The following HSD17B4 variants were observed in gnomAD, a reference collection of about 807,000 sequenced individuals.
HSD17B4 encodes hydroxysteroid 17-beta dehydrogenase 4.
Under a neutral mutation model 101.0 loss-of-function variants are expected in HSD17B4, and 70 were observed. The ratio of observed to expected loss-of-function variants is 0.69; its 90% CI spans 0.57 to 0.85. The LOEUF is 0.85. HSD17B4 is among the 40% of genes least tolerant of loss of function. The pLI is 0.00. For missense variants in HSD17B4, 984 were observed against 892.4 expected (o/e 1.10, Z -1.31); for synonymous variants, 347 against 297.1 (o/e 1.17, Z -1.73).
At chr5:119,457,993 T>C (rs911804878) in intron 2 of HSD17B4, among the ~76,000 whole-genome samples, 3 of 152,214 alleles carry the variant, frequency 2.0e-5, no homozygotes, top group South Asian at 2.1e-4. Flanking sequence ...AATTTTCCTT[T>C]ATTTCCCTGT....
intron 16 of HSD17B4, among the ~76,000 whole-genome samples, chr5:119,510,170 A>G (rs1300817990): frequency 1.3e-5 from 2 of 152,200 alleles, no homozygotes; most frequent in East Asian, 3.9e-4. Flanking sequence ...CATATTTTAT[A>G]TATAGAAAAG....
At chr5:119,484,745 C>G (rs1279428596) in intron 8 of HSD17B4, among the ~76,000 whole-genome samples, 4 of 152,158 alleles carry the variant, frequency 2.6e-5, no homozygotes, top group Admixed American at 6.5e-5. Context: ...ATTTGTAATA[C>G]TACAGCAGTA....
Position 119,514,969 on chromosome 5 carries a change from T to C in HSD17B4, c.1438-12T>C, listed in dbSNP as rs777787191. On this transcript the variant is annotated splice_polypyrimidine_tract_variant and intron_variant, in intron 16 of 23. Transcript: ENST00000510025. ...TGTATTTAAGATTTAACATGTAATG[T>C]CTTAATTTTAGGTAGCTGTAGCCAT... 7.0e-6 allele frequency: 10 copies of C among 1,436,060 alleles called. No homozygotes were observed. In the Admixed American group the frequency reaches 8.4e-5, roughly 12 times the overall value. 89.0% of individuals were successfully genotyped at this position (1,436,060 alleles called of 1,614,324 possible). A position where few individuals can be genotyped will look rare whatever the true frequency, so the allele number is the denominator to read the frequency against.
At chr5:119,458,599 G>T (rs1212342047) in intron 2 of HSD17B4, among the ~76,000 whole-genome samples, 5 of 150,562 alleles carry the variant, frequency 3.3e-5, no homozygotes, top group Admixed American at 3.3e-4. Flanking sequence ...GAAGTGGCAT[G>T]TCACTTCTAC....
intron 23 of HSD17B4, among the ~76,000 whole-genome samples, chr5:119,540,715 T>C (rs1030539370): frequency 2.0e-5 from 3 of 152,214 alleles, no homozygotes; most frequent in African/African-American, 7.2e-5. Flanking sequence ...AGTTGTTGCC[T>C]TTTCTCCAGT....
At chr5:119,485,366 A>G (rs1207950591) in intron 8 of HSD17B4, among the ~76,000 whole-genome samples, 1 of 152,220 alleles carries the variant, frequency 6.6e-6, no homozygotes, top group African/African-American at 2.4e-5. Context: ...CTTTATGCCT[A>G]CCATGCTCTA....
At chr5:119,475,046 ACTTATT>A (rs1748444562) in intron 4 of HSD17B4, among the ~76,000 whole-genome samples, 2 of 152,110 alleles carry the variant, frequency 1.3e-5, no homozygotes, top group African/African-American at 2.4e-5. Flanking sequence ...GAAAAACATT[ACTTATT>A]CTTAATTGAA....
At chr5:119,532,909 T>G (rs1248165501) in intron 22 of HSD17B4, among the ~76,000 whole-genome samples, 4 of 152,128 alleles carry the variant, frequency 2.6e-5, no homozygotes, top group Admixed American at 6.6e-5. Context: ...TGACTTGAAC[T>G]TATATGATGC....
chr5:119,526,991 A>T (rs1232774327), intron 19 of HSD17B4, 142 bp from the exon 20 acceptor site: 1 of 634,450 alleles, frequency 1.6e-6, no homozygotes, highest in East Asian at 2.8e-5. Flanking sequence ...TATTATACTT[A>T]GGTCTTTTAT....
chr5:119,463,266 C>T (rs1166579042), intron 2 of HSD17B4, among the ~76,000 whole-genome samples: 4 of 152,106 alleles, frequency 2.6e-5, no homozygotes, highest in Non-Finnish European at 5.9e-5. Flanking sequence ...TTGATGAACG[C>T]TTAGGCCGGT....
chr5:119,453,765 C>T (rs1754319048), intron 1 of HSD17B4, among the ~76,000 whole-genome samples: 1 of 152,180 alleles, frequency 6.6e-6, no homozygotes, highest in African/African-American at 2.4e-5. Flanking sequence ...CTGGTTATCT[C>T]TGCATGGGCA....
chr5:119,467,755 C>G (rs187800057), intron 2 of HSD17B4, among the ~76,000 whole-genome samples: 6 of 152,284 alleles, frequency 3.9e-5, no homozygotes, highest in Non-Finnish European at 1.5e-5. Flanking sequence ...GTGGGTTTCA[C>G]AGGGCCAACT....
intron 17 of HSD17B4, among the ~76,000 whole-genome samples, chr5:119,515,833 G>C (rs1752565695): frequency 2.6e-5 from 4 of 152,118 alleles, no homozygotes; most frequent in Admixed American, 2.6e-4. Context: ...TTGTATTTTA[G>C]AAGAGAACAA....
chr5:119,493,682 T>C lies in HSD17B4; in HGVS notation c.740-136T>C, dbSNP rs1456847788. The C allele has an allele frequency of 1.0e-5, 8 of 776,410 alleles. No homozygotes were observed. In the East Asian group the frequency reaches 2.0e-4, roughly 19 times the overall value. The allele number at this position is 776,410 out of a possible 1,614,324, so 48.1% of individuals were successfully genotyped here. ...TGGGAAAAATTCATTTTAAGGCTTA[T>C]GGTAAAACTCTTTAGGAGTTAGAAT... is the stretch of plus-strand genomic sequence containing the variant. On this transcript the variant is annotated intron_variant, in intron 10 of 23. Coordinates refer to ENST00000510025, the MANE Select transcript of HSD17B4 (RefSeq NM_000414.4).
At chr5:119,467,525 C>T (rs1224211718) in intron 2 of HSD17B4, among the ~76,000 whole-genome samples, 1 of 152,068 alleles carries the variant, frequency 6.6e-6, no homozygotes, top group Admixed American at 6.6e-5. Context: ...TGAAATGATA[C>T]CTTTATCTTT....
intron 2 of HSD17B4, 142 bp downstream of exon 2, chr5:119,456,510 C>T: frequency 1.5e-6 from 1 of 666,668 alleles, no homozygotes; most frequent in Non-Finnish European, 2.7e-6. Context: ...GGTTTTTACC[C>T]CGACTAAGGC....
Position 119,542,162 on chromosome 5 carries a change from A to G in HSD17B4, c.*168A>G. ...TTCATTTTCTACTAATTTTTCATGT[A>G]TCATTATTTTTACAAGGAACTATAT... On this transcript the variant is annotated 3_prime_UTR_variant, in exon 24 of 24. Transcript: ENST00000510025. The G allele has an allele frequency of 1.6e-6, 1 of 609,704 alleles. No homozygotes were observed. Among genetic ancestry groups the G allele is most frequent in the Non-Finnish European group, 3.0e-6 (1 of 335,460 alleles). The allele number at this position is 609,704 out of a possible 1,614,324, so 37.8% of individuals were successfully genotyped here. A position where few individuals can be genotyped will look rare whatever the true frequency, so the allele number is the denominator to read the frequency against.
At chr5:119,479,398 C>T (rs1312537213) in intron 8 of HSD17B4, among the ~76,000 whole-genome samples, 1 of 152,060 alleles carries the variant, frequency 6.6e-6, no homozygotes, top group Non-Finnish European at 1.5e-5. Flanking sequence ...ACTTTACCTC[C>T]CACAGTTTCC....
intron 8 of HSD17B4, among the ~76,000 whole-genome samples, chr5:119,487,656 T>C (rs972611611): frequency 1.3e-5 from 2 of 152,172 alleles, no homozygotes; most frequent in Non-Finnish European, 2.9e-5. Context: ...TTTTCTTTTT[T>C]CTCACGTAAG....
Sources: allele counts gnomAD v4.1 joint callset (sites outside exome capture counted in the v4.1 genomes callset), GRCh38; gene constraint gnomAD v4.1.1; transcripts MANE v1.5; gene names NCBI Gene and HGNC (gene_info 2026-07-23, HGNC 2026-07-21).